The following ARHGAP29 variants were observed in gnomAD, a reference collection of about 807,000 sequenced individuals.
ARHGAP29 encodes rho GTPase-activating protein 29.
In ARHGAP29, 43 loss-of-function variants were observed where a neutral mutation model predicts 122.6. The observed-to-expected ratio is 0.35, with a 90% CI of 0.27 to 0.45. The LOEUF is 0.45. Among genes scored for constraint, ARHGAP29 ranks in the 20% least tolerant of loss-of-function variants. ARHGAP29 has a pLI of 1.00. For synonymous variants in ARHGAP29, 506 were observed against 497.1 expected (o/e 1.02, Z -0.24); for missense variants, 1,303 against 1,477.2 (o/e 0.88, Z 1.93).
chr1:94,222,646 G>A (rs1652371078), intron 2 of ARHGAP29, among the ~76,000 whole-genome samples: 1 of 152,038 alleles, frequency 6.6e-6, no homozygotes, highest in South Asian at 2.1e-4. Context: ...AATGTAATAC[G>A]ATAGGATCCT....
chr1:94,312,434 CTTT>C, the ARHGAP29 span, among the ~76,000 whole-genome samples: 2 of 119,604 alleles, frequency 1.7e-5, no homozygotes, highest in African/African-American at 3.0e-5. Context: ...CCCCCTCCTT[CTTT>C]TTTTTTTTTT....
At chr1:94,203,666 C>G (rs972165988) in intron 8 of ARHGAP29, among the ~76,000 whole-genome samples, 1 of 151,876 alleles carries the variant, frequency 6.6e-6, no homozygotes. Flanking sequence ...CCTCGGGGGA[C>G]AGAGGTTGCA....
intron 5 of ARHGAP29, among the ~76,000 whole-genome samples, chr1:94,207,933 T>C (rs1200681730): frequency 1.3e-5 from 2 of 152,070 alleles, no homozygotes; most frequent in African/African-American, 4.8e-5. Flanking sequence ...CTTGAACTCC[T>C]GGGCTCAAGT....
the ARHGAP29 span, among the ~76,000 whole-genome samples, chr1:94,300,414 C>A: frequency 1.3e-5 from 2 of 152,088 alleles, no homozygotes. Context: ...TCACTTGTTT[C>A]TTATGGTTGG....
Position 94,223,610 on chromosome 1 carries a change from T to C in ARHGAP29, c.206-3218A>G, listed in dbSNP as rs1652450064. On this transcript the variant is annotated intron_variant, in intron 2 of 22. Coordinates refer to ENST00000260526, the MANE Select transcript of ARHGAP29 (RefSeq NM_004815.4). ...CTAAAAAAAACTATATATACATACATACATATATTTACATATATATGTATG... is the reference window on the plus strand; with the variant it reads ...CTAAAAAAAACTATATATACATACACACATATATTTACATATATATGTATG... Among the ~76,000 whole-genome samples, 3 of 152,040 alleles carry C rather than the reference T, an allele frequency of 2.0e-5. No individual in the cohort carries two copies. The South Asian group carries it at 6.2e-4, about 31-fold the overall frequency.
At chr1:94,221,633 A>G (rs994102291) in intron 2 of ARHGAP29, among the ~76,000 whole-genome samples, 2 of 150,790 alleles carry the variant, frequency 1.3e-5, no homozygotes, top group African/African-American at 2.4e-5. Flanking sequence ...ATATACATAC[A>G]TATGTACATA....
the ARHGAP29 span, among the ~76,000 whole-genome samples, chr1:94,312,096 T>G: frequency 6.6e-6 from 1 of 152,240 alleles, no homozygotes; most frequent in South Asian, 2.1e-4. Flanking sequence ...TTCATTTTTC[T>G]GATTCTCATT....
At position 94,170,343 on chromosome 1, in the gene ARHGAP29, A is replaced by G. The variant is rs1338533221; in HGVS notation, c.*3526T>C. On this transcript the variant is annotated 3_prime_UTR_variant, in exon 23 of 23. Transcript: ENST00000260526. ...ATCCTAAACCTTATGGGTCTTATCTAATGATAAACCAAAACTGAGGAACTT... is the reference window on the plus strand; with the variant it reads ...ATCCTAAACCTTATGGGTCTTATCTGATGATAAACCAAAACTGAGGAACTT... Among the ~76,000 whole-genome samples the G allele has an allele frequency of 6.6e-6, 1 of 152,216 alleles. No homozygotes were observed. The highest frequency in any genetic ancestry group is 2.4e-5 in the African/African-American group (1 of 41,460).
chr1:94,307,923 A>G, the ARHGAP29 span, among the ~76,000 whole-genome samples: 2 of 152,210 alleles, frequency 1.3e-5, no homozygotes, highest in Non-Finnish European at 2.9e-5. Flanking sequence ...TTGTTTCTGT[A>G]CAGTTCTGCC....
At chr1:94,213,095 T>C (rs1279227462) in intron 3 of ARHGAP29, among the ~76,000 whole-genome samples, 1 of 152,220 alleles carries the variant, frequency 6.6e-6, no homozygotes, top group Non-Finnish European at 1.5e-5. Context: ...TGCCATGGCC[T>C]ATATTGCCTT....
chr1:94,193,296 A>G (rs1160732645), intron 12 of ARHGAP29: 1 of 151,936 alleles, frequency 6.6e-6, no homozygotes, highest in East Asian at 1.9e-4. Context: ...GGACCTCCAG[A>G]ACTGCAGAAG....
the ARHGAP29 span, among the ~76,000 whole-genome samples, chr1:94,294,161 A>G: frequency 6.6e-6 from 1 of 152,200 alleles, no homozygotes; most frequent in Admixed American, 6.5e-5. Flanking sequence ...ATTTGGGCAG[A>G]GTGTGGAATG....
At chr1:94,211,075 A>G (rs1179305250) in intron 3 of ARHGAP29, among the ~76,000 whole-genome samples, 1 of 152,016 alleles carries the variant, frequency 6.6e-6, no homozygotes, top group Non-Finnish European at 1.5e-5. Flanking sequence ...GTCTGAGCTC[A>G]GAAGTTCAAG....
At chr1:94,297,975 A>G in the ARHGAP29 span, among the ~76,000 whole-genome samples, 1 of 152,228 alleles carries the variant, frequency 6.6e-6, no homozygotes, top group South Asian at 2.1e-4. Flanking sequence ...CCATGAGCCA[A>G]TAAAGCTCCT....
At chr1:94,289,361 G>T in the ARHGAP29 span, among the ~76,000 whole-genome samples, 2 of 152,200 alleles carry the variant, frequency 1.3e-5, no homozygotes, top group African/African-American at 2.4e-5. Context: ...CTTTGCTGAA[G>T]TTGCTTATCA....
chr1:94,173,733 T>C lies in ARHGAP29; in HGVS notation c.*136A>G, dbSNP rs1267896513. ...TTCAGTATTACCAACAGAGGATAAA[T>C]ACAACAACAAAAGGCAAAACCCATG... On this transcript the variant is annotated 3_prime_UTR_variant, in exon 23 of 23. Transcript: ENST00000260526. 1.4e-5 allele frequency: 15 copies of C among 1,068,488 alleles called. No homozygotes were observed. The highest frequency in any genetic ancestry group is 6.5e-5 in the South Asian group (4 of 61,164). 66.2% of individuals were successfully genotyped at this position (1,068,488 alleles called of 1,614,324 possible). A position where few individuals can be genotyped will look rare whatever the true frequency, so the allele number is the denominator to read the frequency against.
chr1:94,211,587 T>C (rs1042486696), intron 3 of ARHGAP29, among the ~76,000 whole-genome samples: 4 of 152,266 alleles, frequency 2.6e-5, no homozygotes, highest in African/African-American at 9.6e-5. Context: ...GTTACCAAGA[T>C]AGACTATATT....
At chr1:94,298,912 T>C in the ARHGAP29 span, among the ~76,000 whole-genome samples, 2 of 152,198 alleles carry the variant, frequency 1.3e-5, no homozygotes, top group African/African-American at 4.8e-5. Flanking sequence ...TTCTCAGCTC[T>C]AGTTTGGATA....
chr1:94,173,391 A>G lies in ARHGAP29; in HGVS notation c.*478T>C, dbSNP rs993398592. On this transcript the variant is annotated 3_prime_UTR_variant, in exon 23 of 23. Transcript: ENST00000260526. ...AAAAAGCACAAATGGTGAAAGATGCACTATAAAATTGTGTGACAAAACATA... is the reference window on the plus strand; with the variant it reads ...AAAAAGCACAAATGGTGAAAGATGCGCTATAAAATTGTGTGACAAAACATA... 1 of 153,398 alleles carries G rather than the reference A, an allele frequency of 6.5e-6. No individual in the cohort carries two copies. The highest frequency in any genetic ancestry group is 2.4e-5 in the African/African-American group (1 of 41,484). The allele number at this position is 153,398 out of a possible 1,614,324, so 9.5% of individuals were successfully genotyped here.
Sources: gnomAD v4.1 joint callset for allele counts (sites outside exome capture counted in the v4.1 genomes callset) on GRCh38, gnomAD v4.1.1 for gene constraint, MANE v1.5 for transcripts, NCBI Gene and HGNC (gene_info 2026-07-23, HGNC 2026-07-21) for gene names.